Variants in ANKRD24 observed in about 807,000 individuals in gnomAD.
The protein encoded by ANKRD24 is ankyrin repeat domain-containing protein 24.
ANKRD24 carries 109 observed loss-of-function variants against 127.8 expected under a neutral mutation model. That is an observed-to-expected ratio of 0.85 (90% CI 0.73 to 1.00). The LOEUF (loss-of-function observed/expected upper bound fraction) is 1.00. Among genes scored for constraint, ANKRD24 ranks in the 50% least tolerant of loss-of-function variants. The pLI, the probability that ANKRD24 is intolerant of heterozygous loss-of-function variation, is 0.00. For synonymous variants in ANKRD24, 743 were observed against 671.1 expected (o/e 1.11, Z -1.66); for missense variants, 1,648 against 1,570.2 (o/e 1.05, Z -0.84).
chr19:4,215,902 C>A, intron 15 of ANKRD24, 76 bp from the exon 16 acceptor site: 4 of 1,208,746 alleles, frequency 3.3e-6, no homozygotes, highest in South Asian at 1.4e-5. Context: ...ACAGCCCAGT[C>A]CCCACTGGAG....
rs1568317188 is a variant in ANKRD24, at chr19:4,195,218, GC to G, written c.37-4462del. Among the ~76,000 whole-genome samples, 1 of 151,948 alleles carries G rather than the reference GC, an allele frequency of 6.6e-6. No individual in the cohort carries two copies. Among genetic ancestry groups the G allele is most frequent in the East Asian group, 1.9e-4 (1 of 5,152 alleles). On this transcript the variant is annotated intron_variant, in intron 2 of 21. Coordinates refer to ENST00000318934, the MANE Select transcript of ANKRD24 (RefSeq NM_001393985.1). This position sits in a 1 kb window ranked among gnomAD's most constrained non-coding sequence, Gnocchi z 4.2. ...CTCCCGAGTAGCTGGGACTACAGGCGCCCACCACCACGCCCGGCTAATTTTT... is the reference window on the plus strand; with the variant it reads ...CTCCCGAGTAGCTGGGACTACAGGCGCCACCACCACGCCCGGCTAATTTTT...
At position 4,207,496 on chromosome 19, in the gene ANKRD24, A is replaced by G; in HGVS notation, c.538-5A>G. On this transcript the variant is annotated splice_polypyrimidine_tract_variant and splice_region_variant and intron_variant, in intron 8 of 21. Coordinates refer to ENST00000318934, the MANE Select transcript of ANKRD24 (RefSeq NM_001393985.1). The stretch of plus-strand genomic sequence containing the variant: ...TGCCATCGCATCCCTCCTCCTCCCT[A>G]CCAGTCAGGCGCAACACCCCTCATT... The G allele has an allele frequency of 6.2e-7, 1 of 1,613,028 alleles. No homozygotes were observed.
Position 4,198,654 on chromosome 19 carries a change from G to A in ANKRD24, c.37-1029G>A, listed in dbSNP as rs1487642289. The A allele has an allele frequency of 1.0e-5, 4 of 401,996 alleles. No homozygotes were observed. Among genetic ancestry groups the A allele is most frequent in the Admixed American group, 4.5e-5 (1 of 22,456 alleles). 24.9% of individuals were successfully genotyped at this position (401,996 alleles called of 1,614,324 possible). Reference sequence around the variant, plus strand: ...TCCAGACCCGGGAAAGATGGTCGGCGGCGGGGGGTGGGGGGGAACAGAGGT... The same window carrying A: ...TCCAGACCCGGGAAAGATGGTCGGCAGCGGGGGGTGGGGGGGAACAGAGGT... On this transcript the variant is annotated intron_variant, in intron 2 of 21. Transcript: ENST00000318934. This position sits in a 1 kb window ranked among gnomAD's most constrained non-coding sequence, Gnocchi z 6.1.
rs1968934999 is a variant in ANKRD24, at chr19:4,199,050, C to T, written c.37-633C>T. On this transcript the variant is annotated intron_variant, in intron 2 of 21. Coordinates refer to ENST00000318934, the MANE Select transcript of ANKRD24 (RefSeq NM_001393985.1). This position sits in a 1 kb window ranked among gnomAD's most constrained non-coding sequence, Gnocchi z 5.2. ...GCTATAGTGTTGAGGGGAGAAGCCT[C>T]GGGATGTTTAGGGGACAGTGGTGGC... 1.3e-5 allele frequency among the ~76,000 whole-genome samples: 2 copies of T among 151,884 alleles called. No individual in the cohort carries two copies. Among genetic ancestry groups the T allele is most frequent in the South Asian group, 2.1e-4 (1 of 4,812 alleles).
chr19:4,210,864 G>A (rs144077142), intron 13 of ANKRD24, among the ~76,000 whole-genome samples: 9 of 147,902 alleles, frequency 6.1e-5, no homozygotes, highest in East Asian at 2.0e-4. Context: ...ACGGAGTCTC[G>A]CTCTTGTTGC....
chr19:4,207,077 A>C, intron 7 of ANKRD24, 165 bp from the exon 8 acceptor site: 3 of 601,154 alleles, frequency 5.0e-6, no homozygotes, highest in African/African-American at 2.0e-5. Flanking sequence ...ACACCCAGAT[A>C]ATGTTTGCTT....
intron 2 of ANKRD24, among the ~76,000 whole-genome samples, chr19:4,189,777 G>A (rs1391142615): frequency 6.6e-6 from 1 of 152,110 alleles, no homozygotes; most frequent in Non-Finnish European, 1.5e-5. Context: ...ACCGTGTTAT[G>A]AGGCAGGAGC....
intron 1 of ANKRD24, among the ~76,000 whole-genome samples, chr19:4,185,056 GTGGGTGGA>G (rs941937865): frequency 1.4e-4 from 20 of 146,204 alleles, no homozygotes; most frequent in East Asian, 1.1e-3. Flanking sequence ...GGATGGGTGG[GTGGGTGGA>G]TGGGTGGATG....
At chr19:4,209,661 C>T (rs767485894) in intron 11 of ANKRD24, among the ~76,000 whole-genome samples, 1 of 151,832 alleles carries the variant, frequency 6.6e-6, no homozygotes, top group African/African-American at 2.4e-5. Flanking sequence ...CTGTGTTGTC[C>T]AGGCTGCTCT....
chr19:4,183,205 C>G, intron 1 of ANKRD24: 1 of 633,584 alleles, frequency 1.6e-6, no homozygotes, highest in Non-Finnish European at 2.0e-6. Context: ...GTCCCGAACT[C>G]CTGACCTCAG....
At chr19:4,213,672 C>T (rs773181934) in intron 15 of ANKRD24, among the ~76,000 whole-genome samples, 2 of 151,902 alleles carry the variant, frequency 1.3e-5, no homozygotes, top group Admixed American at 6.6e-5. Context: ...CTCTTGTTGC[C>T]CAGGCTGGAG....
intron 2 of ANKRD24, among the ~76,000 whole-genome samples, chr19:4,192,502 C>T (rs1322111268): frequency 1.3e-5 from 2 of 150,792 alleles, no homozygotes; most frequent in Non-Finnish European, 3.0e-5. Context: ...TGAGCCACCG[C>T]GCCCGGCCAG....
rs1969813481 is a variant in ANKRD24, at chr19:4,212,690, C to G, written c.1189C>G (p.Leu397Val). The G allele has an allele frequency of 1.3e-6, 2 of 1,550,618 alleles. No homozygotes were observed. Among genetic ancestry groups the G allele is most frequent in the South Asian group, 2.4e-5 (2 of 84,012 alleles). The stretch of plus-strand genomic sequence containing the variant: ...GGAGAGTTTGCAGAGCCGGCTGTCC[C>G]TGCTGGAGGTAGGAGCAGTGATGAG... ...EVESLQSRLS[L>V]LENERENTSY... Residue 397 changes from leucine (L) to valine (V), a missense_variant, in exon 15 of 22, where the codon CTG becomes GTG. Leu to Val is a conservative substitution (Grantham distance 32, BLOSUM62 1). Transcript: ENST00000318934.
At chr19:4,182,873 C>T (rs1967807228) in intron 1 of ANKRD24, 133 bp downstream of exon 1, 7 of 465,422 alleles carry the variant, frequency 1.5e-5, no homozygotes, top group Non-Finnish European at 2.0e-5. Flanking sequence ...ACCCCTTTTA[C>T]GGATTAGTAA....
At chr19:4,185,802 A>G (rs947487684) in intron 1 of ANKRD24, among the ~76,000 whole-genome samples, 2 of 152,140 alleles carry the variant, frequency 1.3e-5, no homozygotes, top group Non-Finnish European at 2.9e-5. Context: ...GTTGAAAAGG[A>G]CAGAATCAGC....
chr19:4,194,690 G>A (rs1383652728), intron 2 of ANKRD24, among the ~76,000 whole-genome samples: 2 of 152,102 alleles, frequency 1.3e-5, no homozygotes, highest in Non-Finnish European at 2.9e-5. Context: ...CTGGCTGCTG[G>A]GGGAGAAGGG....
intron 2 of ANKRD24, among the ~76,000 whole-genome samples, chr19:4,191,215 C>T (rs1043605581): frequency 6.6e-6 from 1 of 152,200 alleles, no homozygotes; most frequent in Admixed American, 6.5e-5. Flanking sequence ...CATCCCTCCA[C>T]CTGCCCTTCT....
intron 17 of ANKRD24, 57 bp downstream of exon 17, chr19:4,216,459 CAG>C: frequency 6.4e-7 from 1 of 1,555,008 alleles, no homozygotes; most frequent in Non-Finnish European, 8.7e-7. Context: ...TCCCTGAGGT[CAG>C]GGTGGGCAGG....
intron 21 of ANKRD24, 48 bp downstream of exon 21, chr19:4,224,240 G>A (rs1447497435): frequency 6.4e-7 from 1 of 1,552,372 alleles, no homozygotes; most frequent in East Asian, 2.3e-5. Context: ...GCATACCACT[G>A]TTGCTCTCTG....
Sources: allele counts gnomAD v4.1 joint callset (sites outside exome capture counted in the v4.1 genomes callset), GRCh38; gene constraint gnomAD v4.1.1; non-coding constraint Gnocchi (gnomAD v3.1); transcripts MANE v1.5; gene names NCBI Gene and HGNC (gene_info 2026-07-23, HGNC 2026-07-21).